Variants in EIPR1 observed in about 807,000 individuals in gnomAD.
The protein encoded by EIPR1 is EARP complex and GARP complex interacting protein 1, also known as EARP and GARP complex-interacting protein 1.
In EIPR1, 25 loss-of-function variants were observed where a neutral mutation model predicts 48.1. The ratio of observed to expected loss-of-function variants is 0.52; its 90% CI spans 0.38 to 0.73. The LOEUF is 0.73. Among genes scored for constraint, EIPR1 ranks in the 30% least tolerant of loss-of-function variants. EIPR1 has a pLI of 0.00. For synonymous variants in EIPR1, 204 were observed against 201.9 expected (o/e 1.01, Z -0.09); for missense variants, 415 against 506.2 (o/e 0.82, Z 1.73).
intron 5 of EIPR1, among the ~76,000 whole-genome samples, chr2:3,205,548 T>A (rs1207451650): frequency 6.6e-6 from 1 of 152,236 alleles, no homozygotes; most frequent in African/African-American, 2.4e-5. Context: ...CCAAGCTTCT[T>A]GTTATAGCAG....
chr2:3,356,003 C>T (rs904373359), intron 1 of EIPR1, among the ~76,000 whole-genome samples: 4 of 152,212 alleles, frequency 2.6e-5, no homozygotes, highest in East Asian at 3.9e-4. Flanking sequence ...GACTTACTAG[C>T]GAGTGCTCTT....
At chr2:3,377,322 C>T in intron 1 of EIPR1, 1 of 355,668 alleles carries the variant, frequency 2.8e-6, no homozygotes, top group East Asian at 4.3e-5. Context: ...ACAGTTCCTA[C>T]CTTCAGGAAC....
At chr2:3,285,157 C>T (rs1213088613) in intron 3 of EIPR1, among the ~76,000 whole-genome samples, 1 of 152,134 alleles carries the variant, frequency 6.6e-6, no homozygotes, top group Non-Finnish European at 1.5e-5. Flanking sequence ...AGCCTGTGGC[C>T]CTCACTGCCT....
At chr2:3,329,558 C>T (rs1572450646) in intron 3 of EIPR1, among the ~76,000 whole-genome samples, 1 of 151,538 alleles carries the variant, frequency 6.6e-6, no homozygotes, top group East Asian at 2.0e-4. Context: ...GATCAGTCCA[C>T]CTACCACACT....
intron 1 of EIPR1, among the ~76,000 whole-genome samples, chr2:3,365,379 G>A (rs993809432): frequency 6.6e-6 from 1 of 152,138 alleles, no homozygotes; most frequent in East Asian, 1.9e-4. Context: ...GGCTGAAGCC[G>A]GGAGAGAGCT....
chr2:3,339,476 G>A (rs1297986384), intron 2 of EIPR1, among the ~76,000 whole-genome samples: 1 of 152,186 alleles, frequency 6.6e-6, no homozygotes, highest in Admixed American at 6.5e-5. Flanking sequence ...GGGTCTGATA[G>A]GGCTTGGATC....
chr2:3,236,220 C>A (rs1233123927), intron 4 of EIPR1, among the ~76,000 whole-genome samples: 1 of 152,120 alleles, frequency 6.6e-6, no homozygotes, highest in Non-Finnish European at 1.5e-5. Context: ...TTATATCCAC[C>A]AAGAATATGT....
At position 3,192,595 on chromosome 2, in the gene EIPR1, G is replaced by A. The variant is rs1431543407; in HGVS notation, c.822-14C>T. On this transcript the variant is annotated splice_polypyrimidine_tract_variant and intron_variant, in intron 7 of 8. Coordinates refer to ENST00000382125, the MANE Select transcript of EIPR1 (RefSeq NM_003310.5). ...ACGTTCCACACCCTGCAAAGGGCAA[G>A]GCAGCTGCTGAAATGAACTGTCACC... 6.2e-7 allele frequency: 1 copy of A among 1,607,372 alleles called. No homozygotes were observed. Among genetic ancestry groups the A allele is most frequent in the South Asian group, 1.1e-5 (1 of 89,848 alleles).
At chr2:3,336,767 A>AGAAAAGAAAAG (rs1052355114) in intron 3 of EIPR1, among the ~76,000 whole-genome samples, 1 of 151,848 alleles carries the variant, frequency 6.6e-6, no homozygotes, top group African/African-American at 2.4e-5. Flanking sequence ...GACTCTGTCA[A>AGAAAAGAAAAG]GAAAAGAAAA....
intron 4 of EIPR1, among the ~76,000 whole-genome samples, chr2:3,253,599 C>T (rs1196022064): frequency 1.3e-5 from 2 of 152,152 alleles, no homozygotes; most frequent in Admixed American, 6.5e-5. Context: ...GACGAGAAAC[C>T]GGACTCAGTA....
chr2:3,197,187 C>T (rs779231007), intron 5 of EIPR1, among the ~76,000 whole-genome samples, 170 bp from the exon 6 acceptor site: 1 of 152,110 alleles, frequency 6.6e-6, no homozygotes, highest in African/African-American at 2.4e-5. Flanking sequence ...CAAAAATGAA[C>T]CTTACTTGGG....
intron 8 of EIPR1, 29 bp downstream of exon 8, chr2:3,192,385 G>A (rs776463720): frequency 1.6e-5 from 25 of 1,569,478 alleles, no homozygotes; most frequent in East Asian, 2.3e-5. Context: ...CTGGTACAGC[G>A]TGAGCCACTC....
chr2:3,282,753 C>A (rs772636043), intron 3 of EIPR1: 2 of 152,334 alleles, frequency 1.3e-5, no homozygotes, highest in Non-Finnish European at 2.9e-5. Flanking sequence ...AGGGGCTGTG[C>A]CCGGCGGGTG....
At chr2:3,310,897 T>C (rs1365705664) in intron 3 of EIPR1, among the ~76,000 whole-genome samples, 3 of 152,048 alleles carry the variant, frequency 2.0e-5, no homozygotes. Flanking sequence ...ATAAACAAAT[T>C]AGCCCAGTTT....
chr2:3,297,179 A>C (rs1480641453), intron 3 of EIPR1, among the ~76,000 whole-genome samples: 1 of 152,244 alleles, frequency 6.6e-6, no homozygotes, highest in African/African-American at 2.4e-5. Flanking sequence ...TGGTGACCAC[A>C]AAAGAAAGAG....
intron 3 of EIPR1, among the ~76,000 whole-genome samples, chr2:3,304,964 CAACTCT>C (rs1668882487): frequency 6.9e-6 from 1 of 144,828 alleles, no homozygotes; most frequent in East Asian, 2.1e-4. Flanking sequence ...CCGTCCAGTT[CAACTCT>C]CCACTCCCGT....
chr2:3,211,931 C>T (rs1448548936), intron 5 of EIPR1, among the ~76,000 whole-genome samples: 1 of 152,246 alleles, frequency 6.6e-6, no homozygotes, highest in South Asian at 2.1e-4. Flanking sequence ...ACCTTCCACT[C>T]CAGGCCTCCC....
intron 5 of EIPR1, chr2:3,208,720 T>G: frequency 6.5e-7 from 1 of 1,550,132 alleles, no homozygotes; most frequent in Non-Finnish European, 8.7e-7. Flanking sequence ...CCTTCTTCCA[T>G]GCGTGAGGCT....
intron 3 of EIPR1, among the ~76,000 whole-genome samples, chr2:3,334,050 G>T (rs1669974249): frequency 6.6e-6 from 1 of 152,130 alleles, no homozygotes; most frequent in Non-Finnish European, 1.5e-5. Flanking sequence ...GAAGGAAGGG[G>T]CTACAAAAGA....
Sources: allele counts gnomAD v4.1 joint callset (sites outside exome capture counted in the v4.1 genomes callset), GRCh38; gene constraint gnomAD v4.1.1; transcripts MANE v1.5; gene names NCBI Gene and HGNC (gene_info 2026-07-23, HGNC 2026-07-21).